Variants in DOCK2 observed in about 807,000 individuals in gnomAD.
DOCK2 encodes dedicator of cytokinesis 2, also known as dedicator of cytokinesis protein 2.
DOCK2 carries 87 observed loss-of-function variants against 248.9 expected under a neutral mutation model. The ratio of observed to expected loss-of-function variants is 0.35; its 90% CI spans 0.29 to 0.42. The LOEUF is 0.42. Among genes scored for constraint, DOCK2 ranks in the 10% least tolerant of loss-of-function variants. The pLI, the probability that DOCK2 is intolerant of heterozygous loss-of-function variation, is 1.00. For synonymous variants in DOCK2, 805 were observed against 821.6 expected (o/e 0.98, Z 0.35); for missense variants, 1,747 against 2,300.2 (o/e 0.76, Z 4.92).
At chr5:170,021,096 T>G (rs1054427598) in intron 33 of DOCK2, among the ~76,000 whole-genome samples, 21 of 152,338 alleles carry the variant, frequency 1.4e-4, no homozygotes, top group Middle Eastern at 6.8e-3. Context: ...TTATAGGGAC[T>G]CTAGTGCCAG....
At chr5:169,790,894 C>G (rs997816269) in intron 25 of DOCK2, among the ~76,000 whole-genome samples, 1 of 152,208 alleles carries the variant, frequency 6.6e-6, no homozygotes, top group Non-Finnish European at 1.5e-5. Context: ...ACCCAAAGCT[C>G]TACTTACTAT....
chr5:169,791,402 C>G (rs903767884), intron 25 of DOCK2, among the ~76,000 whole-genome samples: 4 of 152,204 alleles, frequency 2.6e-5, no homozygotes, highest in African/African-American at 7.2e-5. Context: ...TTGACTAATG[C>G]TCATTATTGT....
intron 27 of DOCK2, chr5:169,980,885 T>C (rs1177846885): frequency 6.6e-6 from 1 of 152,178 alleles, no homozygotes; most frequent in Non-Finnish European, 1.5e-5. Flanking sequence ...CAAGTTCCCA[T>C]CAACAAAGCA....
chr5:170,011,784 A>T (rs1029889274), intron 32 of DOCK2, among the ~76,000 whole-genome samples: 1 of 152,234 alleles, frequency 6.6e-6, no homozygotes, highest in Non-Finnish European at 1.5e-5. Context: ...AGATTGAATG[A>T]ACAAAATGCA....
At chr5:170,065,612 T>C (rs1691592150) in intron 44 of DOCK2, among the ~76,000 whole-genome samples, 1 of 152,166 alleles carries the variant, frequency 6.6e-6, no homozygotes, top group African/African-American at 2.4e-5. Flanking sequence ...CTCACAACCA[T>C]GGAGGAAGGC....
intron 26 of DOCK2, among the ~76,000 whole-genome samples, chr5:169,831,232 A>C (rs889429249): frequency 1.3e-5 from 2 of 151,910 alleles, no homozygotes; most frequent in African/African-American, 4.8e-5. Context: ...AAAAAGGTGT[A>C]TATTACATAT....
intron 36 of DOCK2, among the ~76,000 whole-genome samples, chr5:170,039,446 G>T (rs983485626): frequency 2.0e-5 from 3 of 152,148 alleles, no homozygotes; most frequent in African/African-American, 7.2e-5. Context: ...TGAGAACAGT[G>T]CCTGCGTTTG....
intron 27 of DOCK2, among the ~76,000 whole-genome samples, chr5:169,930,348 C>G (rs1775687534): frequency 6.6e-6 from 1 of 152,208 alleles, no homozygotes; most frequent in Admixed American, 6.5e-5. Flanking sequence ...TCAGAAGACA[C>G]TCTGGCTTTA....
At chr5:169,983,200 C>T in intron 28 of DOCK2, 34 bp downstream of exon 28, 1 of 1,603,232 alleles carries the variant, frequency 6.2e-7, no homozygotes, top group Non-Finnish European at 8.5e-7. Context: ...TGAGGAAGAA[C>T]TCTTCCATCT....
chr5:169,963,885 G>A (rs1452494957), intron 27 of DOCK2, among the ~76,000 whole-genome samples: 1 of 152,054 alleles, frequency 6.6e-6, no homozygotes, highest in African/African-American at 2.4e-5. Context: ...TAATTCAGTG[G>A]GTGTGGGGTG....
chr5:170,027,731 A>G (rs376714181), intron 33 of DOCK2, 132 bp from the exon 34 acceptor site: 2 of 779,580 alleles, frequency 2.6e-6, no homozygotes. Flanking sequence ...TCCATTTTGC[A>G]TTCCCAGATC....
chr5:169,956,787 A>C (rs879319038), intron 27 of DOCK2, among the ~76,000 whole-genome samples: 1 of 152,166 alleles, frequency 6.6e-6, no homozygotes, highest in Non-Finnish European at 1.5e-5. Context: ...GTTCAAATGT[A>C]ATCTTTCTCA....
At chr5:169,741,088 G>C (rs1233837041) in intron 22 of DOCK2, among the ~76,000 whole-genome samples, 1 of 152,182 alleles carries the variant, frequency 6.6e-6, no homozygotes, top group Non-Finnish European at 1.5e-5. Flanking sequence ...GCCTCCCAAA[G>C]TGTTGGGATT....
chr5:169,728,296 A>G (rs1386243803), intron 22 of DOCK2, among the ~76,000 whole-genome samples: 2 of 152,216 alleles, frequency 1.3e-5, no homozygotes, highest in South Asian at 2.1e-4. Context: ...GATACAGATT[A>G]GGAGTTCAGG....
intron 2 of DOCK2, among the ~76,000 whole-genome samples, chr5:169,669,056 A>T (rs1197867579): frequency 6.6e-6 from 1 of 152,148 alleles, no homozygotes; most frequent in Non-Finnish European, 1.5e-5. Flanking sequence ...CTGATTTTTC[A>T]AAATCAGGAG....
At chr5:169,865,322 G>A (rs1300515259) in intron 27 of DOCK2, among the ~76,000 whole-genome samples, 1 of 152,194 alleles carries the variant, frequency 6.6e-6, no homozygotes, top group Admixed American at 6.5e-5. Context: ...GAGGTCAGGG[G>A]AGGTGGGCGT....
chr5:169,836,035 C>T (rs1769563594), intron 26 of DOCK2, among the ~76,000 whole-genome samples: 1 of 152,214 alleles, frequency 6.6e-6, no homozygotes, highest in South Asian at 2.1e-4. Context: ...GGGTTATAGG[C>T]ATGAGCCACT....
chr5:169,951,600 T>C (rs1776668766), intron 27 of DOCK2, among the ~76,000 whole-genome samples: 1 of 152,186 alleles, frequency 6.6e-6, no homozygotes, highest in Non-Finnish European at 1.5e-5. Flanking sequence ...CAACAGATAG[T>C]TATCAATAGA....
chr5:170,027,550 C>T (rs1050874502), intron 33 of DOCK2, among the ~76,000 whole-genome samples: 1 of 152,150 alleles, frequency 6.6e-6, no homozygotes, highest in Admixed American at 6.5e-5. Context: ...CCTTTGAAAA[C>T]AAGCTCAAAT....
Sources: allele counts gnomAD v4.1 joint callset (sites outside exome capture counted in the v4.1 genomes callset), GRCh38; gene constraint gnomAD v4.1.1; transcripts MANE v1.5; gene names NCBI Gene and HGNC (gene_info 2026-07-23, HGNC 2026-07-21).